The following PLCL2 variants were observed in gnomAD, a reference collection of about 807,000 sequenced individuals.
PLCL2 encodes the protein phospholipase C like 2.
In PLCL2, 4 loss-of-function variants were observed where a neutral mutation model predicts 79.6. The ratio of observed to expected loss-of-function variants is 0.05; its 90% CI spans 0.02 to 0.11. The LOEUF is 0.11. PLCL2 is among the 10% of genes least tolerant of loss of function. The pLI is 1.00. For synonymous variants in PLCL2, 484 were observed against 457.7 expected, an observed-to-expected ratio of 1.06 and a Z score of -0.73; for missense variants, 895 against 1,291.0, an observed-to-expected ratio of 0.69 and a Z score of 4.70.
At chr3:17,038,075 C>T (rs900567748) in intron 3 of PLCL2, among the ~76,000 whole-genome samples, 5 of 152,078 alleles carry the variant, frequency 3.3e-5, no homozygotes, top group Non-Finnish European at 7.4e-5. Context: ...TTAATTTTTA[C>T]TTTGCCTTTA....
chr3:17,032,721 A>G (rs907540549), intron 3 of PLCL2, among the ~76,000 whole-genome samples: 2 of 152,112 alleles, frequency 1.3e-5, no homozygotes, highest in African/African-American at 4.8e-5. Flanking sequence ...AAGGCAATAA[A>G]CTGGTTCTTT....
intron 1 of PLCL2, among the ~76,000 whole-genome samples, chr3:16,898,894 G>A (rs58414563): frequency 6.6e-6 from 1 of 152,204 alleles, no homozygotes; most frequent in Non-Finnish European, 1.5e-5. Flanking sequence ...CTTGGGGCCA[G>A]AGGCCCCAGC....
chr3:16,931,594 A>C (rs943719577), intron 1 of PLCL2, among the ~76,000 whole-genome samples: 1 of 152,204 alleles, frequency 6.6e-6, no homozygotes, highest in African/African-American at 2.4e-5. Flanking sequence ...AAAACCTCAC[A>C]AATATTATTT....
rs73153238 is a variant in PLCL2, at chr3:17,006,968, A to G, written c.328-2706A>G. Among the ~76,000 whole-genome samples the G allele has an allele frequency of 7.4e-3, 1,134 of 152,356 alleles. 18 individuals carry two copies. The highest frequency in any genetic ancestry group is 0.026 in the African/African-American group (1,084 of 41,578). On this transcript the variant is annotated intron_variant, in intron 1 of 5. Coordinates refer to ENST00000615277, the MANE Select transcript of PLCL2 (RefSeq NM_001144382.2). ...ACAGAATATTAATCAGCCTGTAAAA[A>G]TGAAAGAATAAAAGATTACAATGTT...
chr3:17,052,932 A>G (rs2124930338), intron 4 of PLCL2, among the ~76,000 whole-genome samples: 1 of 152,350 alleles, frequency 6.6e-6, no homozygotes, highest in Admixed American at 6.5e-5. Context: ...TAAAGCATCC[A>G]TCAGGTCCAA....
chr3:17,043,553 G>T (rs1241106187), intron 4 of PLCL2, among the ~76,000 whole-genome samples: 1 of 151,726 alleles, frequency 6.6e-6, no homozygotes, highest in Non-Finnish European at 1.5e-5. Context: ...TACACAAAAT[G>T]GAGTTCTTTT....
At chr3:17,059,320 A>C (rs370531599) in intron 4 of PLCL2, among the ~76,000 whole-genome samples, 1 of 150,916 alleles carries the variant, frequency 6.6e-6, no homozygotes, top group Non-Finnish European at 1.5e-5. Context: ...CAGAGGTTGC[A>C]GTGAGCCGAG....
At chr3:16,944,565 G>A (rs1294093430) in intron 1 of PLCL2, among the ~76,000 whole-genome samples, 2 of 152,120 alleles carry the variant, frequency 1.3e-5, no homozygotes, top group African/African-American at 4.8e-5. Context: ...AGGGAGATTA[G>A]CACAGGCACA....
intron 1 of PLCL2, among the ~76,000 whole-genome samples, chr3:16,948,225 C>G (rs529143895): frequency 6.6e-6 from 1 of 152,190 alleles, no homozygotes; most frequent in East Asian, 1.9e-4. Context: ...GTGGTTAAAC[C>G]TTGAAAACAT....
chr3:17,048,386 C>G (rs776687244), intron 4 of PLCL2, among the ~76,000 whole-genome samples: 1 of 151,856 alleles, frequency 6.6e-6, no homozygotes, highest in Non-Finnish European at 1.5e-5. Context: ...GACAGATGAA[C>G]CATGTAGCAT....
At position 16,995,991 on chromosome 3, in the gene PLCL2, C is replaced by A. The variant is rs553108009; in HGVS notation, c.328-13683C>A. Among the ~76,000 whole-genome samples the A allele has an allele frequency of 3.9e-4, 59 of 152,234 alleles. 2 individuals are homozygous for A. The South Asian group carries it at 9.5e-3, about 25-fold the overall frequency. On this transcript the variant is annotated intron_variant, in intron 1 of 5. Transcript: ENST00000615277. ...CGAAGGCCTAGGGTTTCAGCCAGAC[C>A]TCTAGGATGGGGCCACATTTGGAGA...
At chr3:16,976,171 G>A (rs562095372) in intron 1 of PLCL2, among the ~76,000 whole-genome samples, 89 of 152,284 alleles carry the variant, frequency 5.8e-4, no homozygotes, top group Non-Finnish European at 9.6e-4. Context: ...GAGTTCTACA[G>A]AAAAACAGAA....
intron 1 of PLCL2, among the ~76,000 whole-genome samples, chr3:16,978,235 C>G (rs1559505647): frequency 6.6e-6 from 1 of 152,290 alleles, no homozygotes. Flanking sequence ...AATACCCTAC[C>G]CTTTTTATTG....
intron 1 of PLCL2, among the ~76,000 whole-genome samples, chr3:16,944,711 T>G (rs1245213512): frequency 6.6e-6 from 1 of 152,058 alleles, no homozygotes; most frequent in Non-Finnish European, 1.5e-5. Flanking sequence ...TAAAGTCATG[T>G]TTTTATTTTT....
At chr3:16,929,051 T>G (rs1697326985) in intron 1 of PLCL2, among the ~76,000 whole-genome samples, 3 of 85,318 alleles carry the variant, frequency 3.5e-5, no homozygotes, top group African/African-American at 4.9e-5. Context: ...GACTTGGAAT[T>G]TGAGTGCTGG....
chr3:16,894,203 T>G (rs1044364308), intron 1 of PLCL2, among the ~76,000 whole-genome samples: 1 of 152,236 alleles, frequency 6.6e-6, no homozygotes, highest in Non-Finnish European at 1.5e-5. Flanking sequence ...ATGTTTATTA[T>G]TGAATAAAGG....
chr3:17,060,431 T>G (rs1228743336), intron 4 of PLCL2, among the ~76,000 whole-genome samples: 3 of 152,192 alleles, frequency 2.0e-5, no homozygotes, highest in Non-Finnish European at 4.4e-5. Context: ...CCCAGATTGT[T>G]TGGGATGAAG....
intron 5 of PLCL2, among the ~76,000 whole-genome samples, chr3:17,070,056 C>T (rs2124944750): frequency 6.6e-6 from 1 of 152,270 alleles, no homozygotes; most frequent in Admixed American, 6.5e-5. Flanking sequence ...GCTCACTTTG[C>T]TTTAATTTTA....
At chr3:16,902,704 G>A (rs772664519) in intron 1 of PLCL2, among the ~76,000 whole-genome samples, 1 of 151,842 alleles carries the variant, frequency 6.6e-6, no homozygotes, top group Non-Finnish European at 1.5e-5. Context: ...ATGCGTGCCT[G>A]TAATCCCAGC....
Sources: gnomAD v4.1 joint callset for allele counts (sites outside exome capture counted in the v4.1 genomes callset) on GRCh38, gnomAD v4.1.1 for gene constraint, MANE v1.5 for transcripts, NCBI Gene and HGNC (gene_info 2026-07-23, HGNC 2026-07-21) for gene names.